The following TRIP11 variants were observed in gnomAD, a reference collection of about 807,000 sequenced individuals.
TRIP11 encodes thyroid hormone receptor interactor 11.
Under a neutral mutation model 223.1 loss-of-function variants are expected in TRIP11, and 148 were observed. The observed-to-expected ratio is 0.66, with a 90% CI of 0.58 to 0.76. The LOEUF (loss-of-function observed/expected upper bound fraction) is 0.76, where lower values mean the gene tolerates loss of function less well. Ranked by LOEUF, TRIP11 falls within the 30% of genes least tolerant of loss-of-function variation. TRIP11 has a pLI of 0.00. For missense variants in TRIP11, 2,043 were observed against 2,222.0 expected, an observed-to-expected ratio of 0.92 and a Z score of 1.62; for synonymous variants, 762 against 772.6, an observed-to-expected ratio of 0.99 and a Z score of 0.23.
At position 92,017,730 on chromosome 14, in the gene TRIP11, T is replaced by C. The variant is rs756879476; in HGVS notation, c.609A>G (p.Thr203=). ...HIAQTSKAQG[T]DNSDQSEICK... Reference sequence around the variant, plus strand: ...ATATTTCACTTTGATCAGAGTTATCTGTTCCTTGTGCTTTGGAAGTCTAGA... The same window carrying C: ...ATATTTCACTTTGATCAGAGTTATCCGTTCCTTGTGCTTTGGAAGTCTAGA... The change falls in exon 5 of 21, where the codon ACA becomes ACG. Residue 203 remains threonine, a synonymous_variant. Coordinates refer to ENST00000267622, the MANE Select transcript of TRIP11 (RefSeq NM_004239.4). 2 of 1,612,890 alleles carry C rather than the reference T, an allele frequency of 1.2e-6. No individual in the cohort carries two copies. Among genetic ancestry groups the C allele is most frequent in the Non-Finnish European group, 1.7e-6 (2 of 1,179,444 alleles).
At chr14:92,028,916 CCTAA>C (rs2057223796) in intron 2 of TRIP11, among the ~76,000 whole-genome samples, 2 of 152,108 alleles carry the variant, frequency 1.3e-5, no homozygotes, top group Admixed American at 6.5e-5. Flanking sequence ...TTTAGGCAGT[CCTAA>C]CTATTCGTAA....
rs530904929 is a variant in TRIP11, at chr14:91,978,068, G to T, written c.5261-1879C>A. ...GAGAAGGGGAGAGAGAGGGCGAAAA[G>T]GTGGGGGTGGACAGGACTATTATTA... On this transcript the variant is annotated intron_variant, in intron 16 of 20. Transcript: ENST00000267622. This position sits in a 1 kb window ranked among gnomAD's most constrained non-coding sequence, Gnocchi z 4.4. 6.6e-6 allele frequency among the ~76,000 whole-genome samples: 1 copy of T among 152,240 alleles called. No homozygotes were observed. The highest frequency in any genetic ancestry group is 2.4e-5 in the African/African-American group (1 of 41,548).
intron 2 of TRIP11, among the ~76,000 whole-genome samples, chr14:92,032,822 G>C (rs1257043515): frequency 2.8e-5 from 4 of 142,664 alleles, no homozygotes; most frequent in Non-Finnish European, 4.5e-5. Flanking sequence ...GACAGAGTGA[G>C]ACCCCGTTTC....
chr14:92,021,484 A>G, intron 4 of TRIP11, 72 bp downstream of exon 4: 1 of 1,482,994 alleles, frequency 6.7e-7, no homozygotes, highest in Admixed American at 1.7e-5. Context: ...CAAAAGCTCT[A>G]CATACAGTTT....
At chr14:92,026,852 G>C in intron 2 of TRIP11, 1 of 1,514,100 alleles carries the variant, frequency 6.6e-7, no homozygotes, top group Non-Finnish European at 9.1e-7. Context: ...TGACGATGTT[G>C]ATACCAAGAA....
intron 13 of TRIP11, among the ~76,000 whole-genome samples, chr14:91,998,766 C>A (rs1322882301): frequency 6.6e-6 from 1 of 151,968 alleles, no homozygotes; most frequent in Non-Finnish European, 1.5e-5. Flanking sequence ...GACCGGGTCA[C>A]TCAAGAGTGC....
At chr14:92,002,606 T>G (rs2056840944) in intron 11 of TRIP11, among the ~76,000 whole-genome samples, 1 of 151,742 alleles carries the variant, frequency 6.6e-6, no homozygotes, top group Admixed American at 6.6e-5. Context: ...AGACAGAGTC[T>G]TGTTCTGTCA....
chr14:92,017,739 T>C lies in TRIP11; in HGVS notation c.600A>G (p.Ala200=). 6.2e-7 allele frequency: 1 copy of C among 1,612,900 alleles called. No homozygotes were observed. The part of the protein sequence containing the change: ...HWRHIAQTSK[A]QGTDNSDQSE... ...TTTGATCAGAGTTATCTGTTCCTTG[T>C]GCTTTGGAAGTCTAGATCAGAAAAA... Residue 200 remains alanine (A), a synonymous_variant, in exon 5 of 21, where the codon GCA becomes GCG. Transcript: ENST00000267622.
At chr14:91,979,023 G>A (rs973478693) in intron 16 of TRIP11, among the ~76,000 whole-genome samples, 3 of 152,172 alleles carry the variant, frequency 2.0e-5, no homozygotes, top group Non-Finnish European at 2.9e-5. Context: ...TTGCGAGGCC[G>A]AGGTAAGCAT....
intron 2 of TRIP11, among the ~76,000 whole-genome samples, chr14:92,030,297 A>T (rs2057248661): frequency 3.3e-5 from 5 of 152,180 alleles, no homozygotes; most frequent in Admixed American, 3.3e-4. Flanking sequence ...TAGTCATTCA[A>T]CAGGAAAATA....
intron 13 of TRIP11, among the ~76,000 whole-genome samples, chr14:91,998,069 G>A (rs976028114): frequency 2.0e-5 from 3 of 152,156 alleles, no homozygotes; most frequent in Non-Finnish European, 4.4e-5. Context: ...CAAAGGTGGG[G>A]TAGGGGTTAA....
rs970182362 is a variant in TRIP11 at position 92,025,346 on chromosome 14, T to C, written c.276A>G (p.Gln92=). 4 of 1,613,718 alleles carry C rather than the reference T, an allele frequency of 2.5e-6. No individual in the cohort carries two copies. The highest frequency in any genetic ancestry group is 3.4e-6 in the Non-Finnish European group (4 of 1,179,936). ...GAAGTTGATTTCGGTAACTTGTAGA[T>C]TGCTGCTTTATTTGAATCTCTGATG... The part of the protein sequence containing the change: ...HEASEIQIKQ[Q]STSYRNQLQQ... Residue 92 remains glutamine, a synonymous_variant, in exon 3 of 21, where the codon CAA becomes CAG. Coordinates refer to ENST00000267622, the MANE Select transcript of TRIP11 (RefSeq NM_004239.4).
intron 16 of TRIP11, chr14:91,977,165 TG>T (rs761759731): frequency 1.3e-4 from 56 of 445,760 alleles, no homozygotes; most frequent in African/African-American, 1.1e-3. Flanking sequence ...TAGTAGTAGC[TG>T]GATACAAGTT....
chr14:91,995,876 A>G (rs1298118801), intron 13 of TRIP11, among the ~76,000 whole-genome samples: 1 of 151,976 alleles, frequency 6.6e-6, no homozygotes, highest in Non-Finnish European at 1.5e-5. Flanking sequence ...TTGGCCTCCC[A>G]AAGTGCTGGG....
Position 92,005,927 on chromosome 14 carries a change from A to G in TRIP11, c.2049T>C (p.Val683=). 1 of 1,613,736 alleles carries G rather than the reference A, an allele frequency of 6.2e-7. No individual in the cohort carries two copies. Among genetic ancestry groups the G allele is most frequent in the Non-Finnish European group, 8.5e-7 (1 of 1,179,980 alleles). Residue 683 remains valine, a synonymous_variant, in exon 11 of 21, where the codon GTT becomes GTC. Transcript: ENST00000267622. ...GATGCCTCACATCTTCACATGCTAA[A>G]ACTAACTTTTCATTTTCCATTTTGA... ...FDVKMENEKL[V]LACEDVRHQL... is the part of the protein sequence containing the mutation.
rs1012601136 is a variant in TRIP11 at position 92,014,645 on chromosome 14, C to T, written c.824-68G>A. 2.3e-5 allele frequency: 35 copies of T among 1,507,478 alleles called. No homozygotes were observed. In the Admixed American group the frequency reaches 7.1e-4, roughly 31 times the overall value. The allele number at this position is 1,507,478 out of a possible 1,614,324, so 93.4% of individuals were successfully genotyped here. On this transcript the variant is annotated intron_variant, in intron 6 of 20. Coordinates refer to ENST00000267622, the MANE Select transcript of TRIP11 (RefSeq NM_004239.4). The stretch of plus-strand genomic sequence containing the variant: ...CAAGAAATAAACGGTTTGCTATATA[C>T]AACTAAGAGATATAAGACAGTTCAG...
intron 8 of TRIP11, among the ~76,000 whole-genome samples, chr14:92,011,348 G>A (rs1375809362): frequency 2.0e-5 from 3 of 151,556 alleles, no homozygotes; most frequent in Non-Finnish European, 4.4e-5. Flanking sequence ...AAAATTAGCC[G>A]GGTGTGGTGG....
Position 92,033,100 on chromosome 14 carries a change from A to C in TRIP11, c.201+92T>G. 3.2e-6 allele frequency: 3 copies of C among 950,278 alleles called. No homozygotes were observed. In the South Asian group the frequency reaches 4.1e-5, roughly 13 times the overall value. 58.9% of individuals were successfully genotyped at this position (950,278 alleles called of 1,614,324 possible). A position where few individuals can be genotyped will look rare whatever the true frequency, so the allele number is the denominator to read the frequency against. On this transcript the variant is annotated intron_variant, in intron 2 of 20. Coordinates refer to ENST00000267622, the MANE Select transcript of TRIP11 (RefSeq NM_004239.4). ...CAAGAAGAGAAAAAAAGTGCTAAGC[A>C]GTACATTTAAAAAGAAAGGATCAAA...
Position 92,004,623 on chromosome 14 carries a change from T to G in TRIP11, c.3353A>C (p.Glu1118Ala). 1 of 1,614,168 alleles carries G rather than the reference T, an allele frequency of 6.2e-7. No individual in the cohort carries two copies. The highest frequency in any genetic ancestry group is 8.5e-7 in the Non-Finnish European group (1 of 1,180,026). Residue 1118 changes from glutamate (E) to alanine (A), a missense_variant, in exon 11 of 21, where the codon GAA becomes GCA. Physicochemically the swap from Glu to Ala is moderately radical, Grantham distance 107. Coordinates refer to ENST00000267622, the MANE Select transcript of TRIP11 (RefSeq NM_004239.4). Reference sequence around the variant, plus strand: ...AACAATATCCATCATTTTGTGATATTCTGTTTTTAGATGGCTATTTTCCCT... The same window carrying G: ...AACAATATCCATCATTTTGTGATATGCTGTTTTTAGATGGCTATTTTCCCT... ...KTRENSHLKT[E>A]YHKMMDIVAA... is the part of the protein sequence containing the mutation.
Sources: allele counts gnomAD v4.1 joint callset (sites outside exome capture counted in the v4.1 genomes callset), GRCh38; gene constraint gnomAD v4.1.1; non-coding constraint Gnocchi (gnomAD v3.1); transcripts MANE v1.5; gene names NCBI Gene and HGNC (gene_info 2026-07-23, HGNC 2026-07-21).